The following RAB39A variants were observed in gnomAD, a reference collection of about 807,000 sequenced individuals.
RAB39A encodes ras-related protein Rab-39A.
A neutral mutation model predicts 20.9 loss-of-function variants in RAB39A; 17 were observed. The observed-to-expected ratio is 0.81, with a 90% confidence interval of 0.56 to 1.22. RAB39A has a LOEUF of 1.22. RAB39A is among the 50% of genes most tolerant of loss of function. RAB39A has a pLI of 0.00. For missense variants in RAB39A, 234 were observed against 270.5 expected (o/e 0.87, Z 0.95); for synonymous variants, 99 against 103.4 (o/e 0.96, Z 0.26).
At chr11:107,932,015 AC>A (rs146064013) in intron 1 of RAB39A, among the ~76,000 whole-genome samples, 6,983 of 150,784 alleles carry the variant, frequency 0.046, 180 homozygotes, top group Middle Eastern at 0.15. Context: ...ACACACCACC[AC>A]GCCTAGCTAA....
intron 1 of RAB39A, among the ~76,000 whole-genome samples, chr11:107,929,812 C>T (rs1861118645): frequency 6.6e-6 from 1 of 152,116 alleles, no homozygotes; most frequent in Non-Finnish European, 1.5e-5. Context: ...GATTCAAAGG[C>T]ACTTCGTTTT....
chr11:107,958,731 C>A (rs1478880890), intron 1 of RAB39A, among the ~76,000 whole-genome samples: 1 of 136,620 alleles, frequency 7.3e-6, no homozygotes, highest in Non-Finnish European at 1.7e-5. Flanking sequence ...GATGATTTGC[C>A]AACTGTAATC....
intron 1 of RAB39A, among the ~76,000 whole-genome samples, chr11:107,953,951 A>G (rs886770166): frequency 8.5e-5 from 13 of 152,202 alleles, no homozygotes; most frequent in African/African-American, 3.1e-4. Flanking sequence ...ATCCCATGGC[A>G]TCATTCCATT....
In RAB39A at chr11:107,946,434, G is replaced by GTA. The variant is rs1565464257; in HGVS notation, c.228-15511_228-15510insAT. Among the ~76,000 whole-genome samples the GTA allele has an allele frequency of 1.1e-3, 23 of 20,868 alleles. 1 individual carries two copies. The highest frequency in any genetic ancestry group is 3.1e-3 in the African/African-American group (22 of 7,110). 13.7% of individuals were successfully genotyped at this position (20,868 alleles called of 152,430 possible). Reference sequence around the variant, plus strand: ...TGTGTGTGTGTGTGTGTGTGTGTGTGTGTATATATATATATATATATATAT... The same window carrying GTA: ...TGTGTGTGTGTGTGTGTGTGTGTGTGTATGTATATATATATATATATATATAT... On this transcript the variant is annotated intron_variant, in intron 1 of 1. Coordinates refer to ENST00000320578, the MANE Select transcript of RAB39A (RefSeq NM_017516.3).
chr11:107,947,807 C>CAAAAAAAAAAAAAAAAAAAAAAAAA (rs35694249), intron 1 of RAB39A, among the ~76,000 whole-genome samples: 4 of 80,222 alleles, frequency 5.0e-5, no homozygotes, highest in South Asian at 6.0e-4. Flanking sequence ...CATCAACAGG[C>CAAAAAAAAAAAAAAAAAAAAAAAAA]AAAAAAAAAA....
At chr11:107,939,449 AC>A (rs1277263286) in intron 1 of RAB39A, among the ~76,000 whole-genome samples, 2 of 146,186 alleles carry the variant, frequency 1.4e-5, no homozygotes, top group Non-Finnish European at 3.0e-5. Flanking sequence ...TACTAAAAAT[AC>A]AAAAAAAAAA....
At position 107,960,269 on chromosome 11, in the gene RAB39A, C is replaced by T. The variant is rs111937142; in HGVS notation, c.228-1677C>T. On this transcript the variant is annotated intron_variant, in intron 1 of 1. Coordinates refer to ENST00000320578, the MANE Select transcript of RAB39A (RefSeq NM_017516.3). Reference sequence around the variant, plus strand: ...TGTATGACATCTGTCATTTGCCATGCAGTATGATTGACATAACAGCAAATC... The same window carrying T: ...TGTATGACATCTGTCATTTGCCATGTAGTATGATTGACATAACAGCAAATC... Among the ~76,000 whole-genome samples the T allele has an allele frequency of 9.3e-3, 1,414 of 151,704 alleles. 19 individuals carry two copies. The highest frequency in any genetic ancestry group is 0.031 in the African/African-American group (1,289 of 41,362).
intron 1 of RAB39A, among the ~76,000 whole-genome samples, chr11:107,956,439 TA>T (rs940127127): frequency 1.7e-4 from 26 of 152,302 alleles, no homozygotes; most frequent in Middle Eastern, 3.4e-3. Flanking sequence ...AAGGACGCTA[TA>T]CAAGAGTACT....
rs147990755 is a variant in RAB39A, at chr11:107,955,970, A to G, written c.228-5976A>G. On this transcript the variant is annotated intron_variant, in intron 1 of 1. Transcript: ENST00000320578. ...GGTTTCATCAACATACCCCTGATTA[A>G]AGGACTCCCTTCCCCCAAGAAACTT... Among the ~76,000 whole-genome samples the G allele has an allele frequency of 2.9e-3, 448 of 152,252 alleles. 1 individual carries two copies. The highest frequency in any genetic ancestry group is 0.01 in the African/African-American group (428 of 41,546).
chr11:107,928,781 A>T lies in RAB39A; in HGVS notation c.213A>T (p.Gly71=). The T allele has an allele frequency of 6.3e-7, 1 of 1,583,074 alleles. No individual in the cohort carries two copies. Among genetic ancestry groups the T allele is most frequent in the Non-Finnish European group, 8.6e-7 (1 of 1,162,466 alleles). Residue 71 remains glycine, a synonymous_variant, in exon 1 of 2, where the codon GGA becomes GGT. Coordinates refer to ENST00000320578, the MANE Select transcript of RAB39A (RefSeq NM_017516.3). The surrounding 1 kb of genome is among the most constrained non-coding windows in gnomAD (Gnocchi z 4.9). ...RIKLQLWDTA[G]QERFRSITRS... The stretch of plus-strand genomic sequence containing the variant: ...AGCTACAGCTCTGGGACACGGCGGG[A>T]CAGGAGCGGTTCAGGTAGGGACCCC...
intron 1 of RAB39A, among the ~76,000 whole-genome samples, chr11:107,936,689 C>T (rs774753509): frequency 6.6e-6 from 1 of 152,042 alleles, no homozygotes; most frequent in Non-Finnish European, 1.5e-5. Flanking sequence ...CAAAAGAAAA[C>T]GATTTTTTGT....
In RAB39A at chr11:107,946,629, C is replaced by T. The variant is rs182814027; in HGVS notation, c.228-15317C>T. Among the ~76,000 whole-genome samples the T allele has an allele frequency of 4.5e-3, 678 of 150,012 alleles. 4 individuals carry two copies. Among genetic ancestry groups the T allele is most frequent in the African/African-American group, 0.016 (642 of 40,726 alleles). ...CTGGGACTACAGGCGCCCGCCACCA[C>T]GCCCAGCTAATTTTTTGTGTTTTTT... On this transcript the variant is annotated intron_variant, in intron 1 of 1. Coordinates refer to ENST00000320578, the MANE Select transcript of RAB39A (RefSeq NM_017516.3).
intron 1 of RAB39A, among the ~76,000 whole-genome samples, chr11:107,948,640 A>G (rs1861343007): frequency 6.6e-6 from 1 of 152,010 alleles, no homozygotes; most frequent in Non-Finnish European, 1.5e-5. Flanking sequence ...AGCTGGGACT[A>G]CATGTTAGCC....
At chr11:107,946,422 GTGTGTGTGTGTGTGTATATATATA>G (rs1313410580) in intron 1 of RAB39A, among the ~76,000 whole-genome samples, 5 of 34,534 alleles carry the variant, frequency 1.4e-4, no homozygotes, top group East Asian at 2.5e-3. Flanking sequence ...GTGTGTGTGT[GTGTGTGTGTGTGTGTATATATATA>G]TATATATATA....
In RAB39A at chr11:107,962,061, G is replaced by A. The variant is rs111615525; in HGVS notation, c.343G>A (p.Val115Ile). The part of the protein sequence containing the change: ...KDWLEEAKMY[V>I]QPFRIVFLLV... ...TTGGCTAGAAGAAGCAAAAATGTAT[G>A]TACAGCCATTTCGGATTGTATTTCT... Residue 115 changes from valine to isoleucine, a missense_variant, in exon 2 of 2, where the codon GTA (valine) becomes ATA (isoleucine). By Grantham distance (29) the Val-to-Ile change is conservative. Coordinates refer to ENST00000320578, the MANE Select transcript of RAB39A (RefSeq NM_017516.3). 1.9e-6 allele frequency: 3 copies of A among 1,614,016 alleles called. No homozygotes were observed. The highest frequency in any genetic ancestry group is 1.7e-5 in the Admixed American group (1 of 60,006).
At position 107,962,122 on chromosome 11, in the gene RAB39A, G is replaced by A. The variant is rs1237435009; in HGVS notation, c.404G>A (p.Arg135His). The change falls in exon 2 of 2, where the codon CGT becomes CAT. Residue 135 changes from arginine (R) to histidine (H), a missense_variant. By Grantham distance (29) the Arg-to-His change is conservative. Coordinates refer to ENST00000320578, the MANE Select transcript of RAB39A (RefSeq NM_017516.3). ...CATAAATGTGATTTAGCTTCACAAC[G>A]TCAAGTTACAAGGGAAGAAGCTGAA... Reference protein sequence around the residue: ...VGHKCDLASQRQVTREEAEKL... With the variant: ...VGHKCDLASQHQVTREEAEKL... The A allele has an allele frequency of 3.7e-6, 6 of 1,614,094 alleles. No homozygotes were observed. Among genetic ancestry groups the A allele is most frequent in the Non-Finnish European group, 5.1e-6 (6 of 1,179,982 alleles).
At position 107,928,790 on chromosome 11, in the gene RAB39A, G is replaced by T. The variant is rs759813346; in HGVS notation, c.222G>T (p.Arg74=). ...LQLWDTAGQE[R]FRSITRSYYR... is the part of the protein sequence containing the mutation. Reference sequence around the variant, plus strand: ...TCTGGGACACGGCGGGACAGGAGCGGTTCAGGTAGGGACCCCGGGGACCTT... The same window carrying T: ...TCTGGGACACGGCGGGACAGGAGCGTTTCAGGTAGGGACCCCGGGGACCTT... Residue 74 remains arginine (R), a synonymous_variant, in exon 1 of 2, where the codon CGG becomes CGT. Transcript: ENST00000320578. The surrounding 1 kb of genome is among the most constrained non-coding windows in gnomAD (Gnocchi z 4.9). 1.3e-6 allele frequency: 2 copies of T among 1,560,776 alleles called. No homozygotes were observed. The highest frequency in any genetic ancestry group is 1.7e-6 in the Non-Finnish European group (2 of 1,147,738).
chr11:107,959,093 C>A (rs1861469072), intron 1 of RAB39A, among the ~76,000 whole-genome samples: 1 of 149,208 alleles, frequency 6.7e-6, no homozygotes, highest in Non-Finnish European at 1.5e-5. Flanking sequence ...GCATTCCAGC[C>A]TGGGCAACAG....
rs187604783 is a variant in RAB39A, at chr11:107,939,333, G to A, written c.227+10538G>A. Among the ~76,000 whole-genome samples the A allele has an allele frequency of 1.8e-3, 276 of 149,580 alleles. 1 individual carries two copies. Among genetic ancestry groups the A allele is most frequent in the African/African-American group, 6.1e-3 (247 of 40,760 alleles). On this transcript the variant is annotated intron_variant, in intron 1 of 1. Transcript: ENST00000320578. ...ATAGTTGAAAATAACGTGGCCGGGC[G>A]TGGTGGCTCACGCCTGTAATCCCAG...
Sources: gnomAD v4.1 joint callset for allele counts (sites outside exome capture counted in the v4.1 genomes callset) on GRCh38, gnomAD v4.1.1 for gene constraint, Gnocchi (gnomAD v3.1) non-coding constraint, MANE v1.5 for transcripts, NCBI Gene and HGNC (gene_info 2026-07-23, HGNC 2026-07-21) for gene names.